CAMK2A: variants seen among roughly 807,000 people sequenced by gnomAD.
The protein encoded by CAMK2A is calcium/calmodulin dependent protein kinase II alpha, also known as calcium/calmodulin-dependent protein kinase type II subunit alpha.
CAMK2A carries 7 observed loss-of-function variants against 79.2 expected under a neutral mutation model. That is an observed-to-expected ratio of 0.09 (90% CI 0.05 to 0.17). CAMK2A has a LOEUF of 0.17. CAMK2A is among the 10% of genes least tolerant of loss of function. CAMK2A has a pLI of 1.00. For missense variants in CAMK2A, 214 were observed against 646.4 expected, an observed-to-expected ratio of 0.33 and a Z score of 7.25; for synonymous variants, 242 against 251.7, an observed-to-expected ratio of 0.96 and a Z score of 0.36.
At position 150,284,393 on chromosome 5, in the gene CAMK2A, T is replaced by A. The variant is rs1757338028; in HGVS notation, c.62+5171A>T. Among the ~76,000 whole-genome samples the A allele has an allele frequency of 6.6e-6, 1 of 151,858 alleles. No homozygotes were observed. The highest frequency in any genetic ancestry group is 6.6e-5 in the Admixed American group (1 of 15,246). On this transcript the variant is annotated intron_variant, in intron 1 of 18. Transcript: ENST00000671881. This position sits in a 1 kb window ranked among gnomAD's most constrained non-coding sequence, Gnocchi z 5.3. ...TGCATCAGCAACAGGATGCGAGTGTTGCACTCCGAGGCTCTGCCCTCACCC... is the reference window on the plus strand; with the variant it reads ...TGCATCAGCAACAGGATGCGAGTGTAGCACTCCGAGGCTCTGCCCTCACCC...
chr5:150,284,734 C>T lies in CAMK2A; in HGVS notation c.62+4830G>A, dbSNP rs992805960. Among the ~76,000 whole-genome samples the T allele has an allele frequency of 3.9e-5, 6 of 152,188 alleles. No homozygotes were observed. Among genetic ancestry groups the T allele is most frequent in the African/African-American group, 1.4e-4 (6 of 41,448 alleles). On this transcript the variant is annotated intron_variant, in intron 1 of 18. Coordinates refer to ENST00000671881, the MANE Select transcript of CAMK2A (RefSeq NM_015981.4). This position sits in a 1 kb window ranked among gnomAD's most constrained non-coding sequence, Gnocchi z 5.3. ...CTCTGGTCCCTGCACGTCATCTAGT[C>T]CCCTAGCCTGGGCCCTCTCTCTCCT...
At chr5:150,235,064 T>G (rs1254813510) in intron 15 of CAMK2A, among the ~76,000 whole-genome samples, 1 of 152,128 alleles carries the variant, frequency 6.6e-6, no homozygotes, top group Non-Finnish European at 1.5e-5. Context: ...GCACACAATA[T>G]CAGGTGTGGC....
intron 15 of CAMK2A, among the ~76,000 whole-genome samples, chr5:150,234,009 C>T (rs1754960669): frequency 6.6e-6 from 1 of 152,144 alleles, no homozygotes; most frequent in Non-Finnish European, 1.5e-5. Flanking sequence ...GATGAGGTTT[C>T]ACCATGTTGG....
intron 1 of CAMK2A, among the ~76,000 whole-genome samples, chr5:150,273,906 C>T (rs1756851615): frequency 6.6e-6 from 1 of 152,198 alleles, no homozygotes; most frequent in Non-Finnish European, 1.5e-5. Context: ...AATTATATCT[C>T]CTATGTATGC....
intron 2 of CAMK2A, among the ~76,000 whole-genome samples, chr5:150,270,324 A>G (rs532131104): frequency 1.3e-5 from 2 of 152,280 alleles, no homozygotes; most frequent in South Asian, 4.2e-4. Flanking sequence ...GAACAGGCAA[A>G]ATTTTCACTT....
rs142245972 is a variant in CAMK2A at position 150,250,715 on chromosome 5, G to A, written c.789C>T (p.Ala263=). The part of the protein sequence containing the change: ...TINPSKRITA[A]EALKHPWISH... ...AGATCCAGGGGTGCTTAAGGGCTTC[G>A]GCAGCTGTGATGCGTTTGGATGGGT... Residue 263 remains alanine, a synonymous_variant, in exon 10 of 19, where the codon GCC becomes GCT. Transcript: ENST00000671881. 236 of 1,614,074 alleles carry A rather than the reference G, an allele frequency of 1.5e-4. No homozygotes were observed. In the African/African-American group the frequency reaches 2.4e-3, roughly 17 times the overall value.
chr5:150,270,850 C>T lies in CAMK2A; in HGVS notation c.157+2215G>A, dbSNP rs182961159. 2.9e-3 allele frequency among the ~76,000 whole-genome samples: 442 copies of T among 152,284 alleles called. 3 individuals are homozygous for T. Among genetic ancestry groups the T allele is most frequent in the African/African-American group, 1.0e-2 (414 of 41,550 alleles). ...TGGCATAGCCCAGGGTCTGCACTGTCCCAGGAGTGCTTAGTCACCTTCCAA... is the reference window on the plus strand; with the variant it reads ...TGGCATAGCCCAGGGTCTGCACTGTTCCAGGAGTGCTTAGTCACCTTCCAA... On this transcript the variant is annotated intron_variant, in intron 2 of 18. Coordinates refer to ENST00000671881, the MANE Select transcript of CAMK2A (RefSeq NM_015981.4).
chr5:150,234,716 G>A (rs1754990178), intron 15 of CAMK2A, among the ~76,000 whole-genome samples: 1 of 152,138 alleles, frequency 6.6e-6, no homozygotes, highest in South Asian at 2.1e-4. Flanking sequence ...TCTAGTCAGG[G>A]CAGGGATATT....
At chr5:150,233,750 T>C (rs1754944263) in intron 15 of CAMK2A, among the ~76,000 whole-genome samples, 1 of 152,162 alleles carries the variant, frequency 6.6e-6, no homozygotes, top group African/African-American at 2.4e-5. Flanking sequence ...AAACTGAGTT[T>C]GGGAAGAAGC....
chr5:150,238,366 C>T (rs111744747), intron 15 of CAMK2A: 40 of 214,982 alleles, frequency 1.9e-4, no homozygotes, highest in African/African-American at 7.8e-4. Context: ...GCAGGAGGAT[C>T]GCTTGAACCT....
At position 150,264,465 on chromosome 5, in the gene CAMK2A, T is replaced by G. The variant is rs561285786; in HGVS notation, c.217+491A>C. Among the ~76,000 whole-genome samples the G allele has an allele frequency of 2.6e-3, 394 of 152,340 alleles. 3 individuals are homozygous for G. The highest frequency in any genetic ancestry group is 8.4e-3 in the African/African-American group (350 of 41,572). On this transcript the variant is annotated intron_variant, in intron 3 of 18. Transcript: ENST00000671881. ...TCCCCACGGGTTCTGCTGCCCTGGCTCTGTCCCAGCCTGCCATGGCCCAGC... is the reference window on the plus strand; with the variant it reads ...TCCCCACGGGTTCTGCTGCCCTGGCGCTGTCCCAGCCTGCCATGGCCCAGC...
intron 7 of CAMK2A, among the ~76,000 whole-genome samples, chr5:150,252,582 A>C (rs1755882767): frequency 2.6e-5 from 4 of 152,100 alleles, no homozygotes; most frequent in Admixed American, 2.6e-4. Flanking sequence ...TTGTTTCCTC[A>C]TCTGTCAAAT....
intron 17 of CAMK2A, among the ~76,000 whole-genome samples, chr5:150,227,830 CTG>C (rs1754669669): frequency 6.6e-6 from 1 of 152,202 alleles, no homozygotes; most frequent in Non-Finnish European, 1.5e-5. Flanking sequence ...ATCAAGATGA[CTG>C]TAACTCGGGT....
At chr5:150,234,398 C>T (rs1754977351) in intron 15 of CAMK2A, among the ~76,000 whole-genome samples, 1 of 152,106 alleles carries the variant, frequency 6.6e-6, no homozygotes, top group Admixed American at 6.5e-5. Context: ...TAGCTGTTCC[C>T]TTGGACAAGG....
chr5:150,261,138 G>A (rs1756288589), intron 3 of CAMK2A, among the ~76,000 whole-genome samples: 1 of 112,944 alleles, frequency 8.9e-6, no homozygotes, highest in South Asian at 2.6e-4. Flanking sequence ...CTCCAGAGCT[G>A]ACTCTCCCTC....
chr5:150,250,435 G>C, intron 10 of CAMK2A, 126 bp from the exon 11 acceptor site: 2 of 862,760 alleles, frequency 2.3e-6, no homozygotes, highest in Non-Finnish European at 3.8e-6. Flanking sequence ...ACGATTCATT[G>C]CTCTAGGAGA....
intron 13 of CAMK2A, among the ~76,000 whole-genome samples, chr5:150,240,168 G>A (rs7735762): frequency 0.028 from 4,260 of 152,224 alleles, 221 homozygotes; most frequent in African/African-American, 0.096. Context: ...TAGGCTCCCC[G>A]TGCATCTCGG....
At chr5:150,277,787 T>C (rs773592968) in intron 1 of CAMK2A, among the ~76,000 whole-genome samples, 2 of 152,180 alleles carry the variant, frequency 1.3e-5, no homozygotes, top group Non-Finnish European at 2.9e-5. Context: ...AGCGCAGAAG[T>C]CTTCTTCCCT....
In CAMK2A at chr5:150,220,316, AGCAGTTGACAG is replaced by A; in HGVS notation, c.*2383_*2393del. ...TTTCCCCTGCAGTCCACTGCTGAAAAGCAGTTGACAGGCACCGACGAGGGGAATCAGGGGCA... is the reference window on the plus strand; with the variant it reads ...TTTCCCCTGCAGTCCACTGCTGAAAAGCACCGACGAGGGGAATCAGGGGCA... On this transcript the variant is annotated 3_prime_UTR_variant, in exon 19 of 19. Transcript: ENST00000671881. 6.6e-6 allele frequency: 1 copy of A among 152,320 alleles called. No individual in the cohort carries two copies. The highest frequency in any genetic ancestry group is 2.1e-4 in the South Asian group (1 of 4,818). The allele number at this position is 152,320 out of a possible 1,614,324, so 9.4% of individuals were successfully genotyped here. A position where few individuals can be genotyped will look rare whatever the true frequency, so the allele number is the denominator to read the frequency against.
Sources: gnomAD v4.1 joint callset for allele counts (sites outside exome capture counted in the v4.1 genomes callset) on GRCh38, gnomAD v4.1.1 for gene constraint, Gnocchi (gnomAD v3.1) non-coding constraint, MANE v1.5 for transcripts, NCBI Gene and HGNC (gene_info 2026-07-23, HGNC 2026-07-21) for gene names.